JMJD1C: variants seen among roughly 807,000 people sequenced by gnomAD.
JMJD1C encodes the protein jumonji domain containing 1C, also known as jumonji domain-containing protein 1C.
In JMJD1C, 31 loss-of-function variants were observed where a neutral mutation model predicts 245.3. That is an observed-to-expected ratio of 0.13 (90% CI 0.09 to 0.17). The LOEUF (loss-of-function observed/expected upper bound fraction) is 0.17, where lower values mean the gene tolerates loss of function less well. Ranked by LOEUF, JMJD1C falls within the 10% of genes least tolerant of loss-of-function variation. The pLI, the probability that JMJD1C is intolerant of heterozygous loss-of-function variation, is 1.00. For synonymous variants in JMJD1C, 1,057 were observed against 1,017.4 expected (o/e 1.04, Z -0.74); for missense variants, 2,691 against 3,000.2 (o/e 0.90, Z 2.41).
chr10:63,213,022 C>T (rs938734092), intron 8 of JMJD1C, among the ~76,000 whole-genome samples: 1 of 150,846 alleles, frequency 6.6e-6, no homozygotes, highest in African/African-American at 2.4e-5. Flanking sequence ...TCCGTCTCTA[C>T]TAAAAATACA....
At chr10:63,399,546 T>C (rs1948722765) in intron 1 of JMJD1C, among the ~76,000 whole-genome samples, 1 of 152,158 alleles carries the variant, frequency 6.6e-6, no homozygotes, top group Non-Finnish European at 1.5e-5. Context: ...GAAAATCTTG[T>C]TATGCAACAA....
intron 2 of JMJD1C, among the ~76,000 whole-genome samples, chr10:63,329,569 A>T (rs1315074584): frequency 6.6e-6 from 1 of 152,152 alleles, no homozygotes; most frequent in Non-Finnish European, 1.5e-5. Flanking sequence ...TCTTGTCAGC[A>T]ACAATACACT....
chr10:63,464,626 T>C (rs1443667909), intron 1 of JMJD1C, among the ~76,000 whole-genome samples: 2 of 151,670 alleles, frequency 1.3e-5, no homozygotes, highest in Non-Finnish European at 2.9e-5. Flanking sequence ...CAACAGAGCA[T>C]ATTACAGCTC....
intron 1 of JMJD1C, among the ~76,000 whole-genome samples, chr10:63,395,409 C>T (rs958493265): frequency 3.9e-5 from 6 of 152,202 alleles, no homozygotes; most frequent in Admixed American, 3.3e-4. Context: ...ACCCAGGAGG[C>T]GGAGTTTACA....
chr10:63,466,987 G>C (rs1222132348), upstream of JMJD1C, among the ~76,000 whole-genome samples: 1 of 146,310 alleles, frequency 6.8e-6, no homozygotes. Context: ...TCAGTTTCTT[G>C]AGATTTTCCT....
Position 63,506,984 on chromosome 10 carries a change from T to A in JMJD1C, n.113+14754A>T, listed in dbSNP as rs1001630940. On this transcript the variant is annotated intron_variant and non_coding_transcript_variant, in intron 1 of 3. Coordinates refer to the JMJD1C transcript ENST00000633035. The stretch of plus-strand genomic sequence containing the variant: ...ATCTTTTTACAGTCTCCATGGTTTT[T>A]GCCTTTTCTAGATGTCATGCAGTCA... 3.9e-5 allele frequency among the ~76,000 whole-genome samples: 6 copies of A among 152,242 alleles called. No homozygotes were observed. In the East Asian group the frequency reaches 1.2e-3, roughly 29 times the overall value.
At chr10:63,260,692 C>T (rs1854590977) in intron 3 of JMJD1C, among the ~76,000 whole-genome samples, 1 of 151,974 alleles carries the variant, frequency 6.6e-6, no homozygotes, top group Non-Finnish European at 1.5e-5. Context: ...CAGGTTCAAG[C>T]GATTCTCCTG....
intron 2 of JMJD1C, among the ~76,000 whole-genome samples, chr10:63,336,417 T>C (rs1264925042): frequency 6.6e-6 from 1 of 151,972 alleles, no homozygotes. Context: ...AAGATTGCAC[T>C]ACTGAACTCC....
rs117466130 is a variant in JMJD1C, at chr10:63,431,276, A to G, written c.168+34219T>C. Among the ~76,000 whole-genome samples, 892 of 152,346 alleles carry G rather than the reference A, an allele frequency of 5.9e-3. 2 individuals carry two copies. Among genetic ancestry groups the G allele is most frequent in the Middle Eastern group, 0.02 (6 of 294 alleles). Reference sequence around the variant, plus strand: ...GCAACCATCTCATTCAAAAAGACCAACTTAATTATTGAGGAAGTTAAGAGA... The same window carrying G: ...GCAACCATCTCATTCAAAAAGACCAGCTTAATTATTGAGGAAGTTAAGAGA... On this transcript the variant is annotated intron_variant, in intron 1 of 25. Transcript: ENST00000399262.
rs760397798 is a variant in JMJD1C at position 63,183,429 on chromosome 10, T to G, written c.7084+18A>C. 6.9e-6 allele frequency: 11 copies of G among 1,597,224 alleles called. No individual in the cohort carries two copies. In the South Asian group the frequency reaches 1.2e-4, roughly 18 times the overall value. The stretch of plus-strand genomic sequence containing the variant: ...ATTCAACTCTTATTTCAAAGACTAC[T>G]TATTCTTTTAAGTTTACCTGCTTTT... On this transcript the variant is annotated intron_variant, in intron 22 of 25. Transcript: ENST00000399262.
At chr10:63,222,300 T>C (rs1002785618) in intron 3 of JMJD1C, 7 of 1,294,126 alleles carry the variant, frequency 5.4e-6, no homozygotes, top group Non-Finnish European at 7.9e-6. Flanking sequence ...AAGTTTATGA[T>C]TACAGGTGGA....
At position 63,489,879 on chromosome 10, in the gene JMJD1C, T is replaced by C. The variant is rs140987548; in HGVS notation, n.113+31859A>G. On this transcript the variant is annotated intron_variant and non_coding_transcript_variant, in intron 1 of 3. Coordinates refer to the JMJD1C transcript ENST00000633035. ...CATGGACCAGTACCAGTCCATGGCTTGTTAGGAACTGGGCTGCAAAGCAGG... is the reference window on the plus strand; with the variant it reads ...CATGGACCAGTACCAGTCCATGGCTCGTTAGGAACTGGGCTGCAAAGCAGG... Among the ~76,000 whole-genome samples, 733 of 152,280 alleles carry C rather than the reference T, an allele frequency of 4.8e-3. 2 individuals are homozygous for C. The highest frequency in any genetic ancestry group is 7.6e-3 in the Non-Finnish European group (520 of 68,022).
intron 1 of JMJD1C, among the ~76,000 whole-genome samples, chr10:63,418,415 T>C (rs1480435576): frequency 6.6e-6 from 1 of 152,226 alleles, no homozygotes; most frequent in Non-Finnish European, 1.5e-5. Flanking sequence ...ATTCAGAAAT[T>C]ATCCCATGAT....
chr10:63,425,004 T>G (rs1950359319), intron 1 of JMJD1C, among the ~76,000 whole-genome samples: 1 of 152,184 alleles, frequency 6.6e-6, no homozygotes, highest in Non-Finnish European at 1.5e-5. Flanking sequence ...CTTACCAGCT[T>G]GAAAATATCT....
chr10:63,353,294 T>C lies in JMJD1C; in HGVS notation c.333+27024A>G, dbSNP rs191331505. ...ACTCAAAGAAACTTACAGCAATAAA[T>C]TGTGAATAAGATTTGGGAAGGGGTC... is the stretch of plus-strand genomic sequence containing the variant. On this transcript the variant is annotated intron_variant, in intron 2 of 25. Transcript: ENST00000399262. 4.6e-5 allele frequency among the ~76,000 whole-genome samples: 7 copies of C among 152,248 alleles called. No individual in the cohort carries two copies. The East Asian group carries it at 1.2e-3, about 25-fold the overall frequency.
At chr10:63,398,375 T>A (rs924054360) in intron 1 of JMJD1C, among the ~76,000 whole-genome samples, 1 of 152,206 alleles carries the variant, frequency 6.6e-6, no homozygotes, top group Non-Finnish European at 1.5e-5. Context: ...TGTATTTTAC[T>A]ATTCTGTGGC....
chr10:63,455,188 A>G (rs929714680), intron 1 of JMJD1C, among the ~76,000 whole-genome samples: 16 of 152,204 alleles, frequency 1.1e-4, no homozygotes, highest in African/African-American at 3.9e-4. Context: ...GATTATTCAA[A>G]ATATACTTCT....
chr10:63,305,704 G>A (rs1691018741), intron 2 of JMJD1C, among the ~76,000 whole-genome samples: 1 of 143,106 alleles, frequency 7.0e-6, no homozygotes, highest in Non-Finnish European at 1.5e-5. Flanking sequence ...TTCTCAAAGG[G>A]ATATTGCTAT....
At chr10:63,481,170 T>C (rs968176910) in intron 1 of JMJD1C, among the ~76,000 whole-genome samples, 17 of 152,246 alleles carry the variant, frequency 1.1e-4, no homozygotes, top group Non-Finnish European at 2.4e-4. Context: ...CCTTGTATTA[T>C]AGGTACTGCT....
Sources: gnomAD v4.1 joint callset for allele counts (sites outside exome capture counted in the v4.1 genomes callset) on GRCh38, gnomAD v4.1.1 for gene constraint, MANE v1.5 for transcripts, NCBI Gene and HGNC (gene_info 2026-07-23, HGNC 2026-07-21) for gene names.